Variants in ERICH6B observed in about 807,000 individuals in gnomAD.
The protein encoded by ERICH6B is glutamate rich 6B, also known as glutamate-rich protein 6B.
In ERICH6B, 69 loss-of-function variants were observed where a neutral mutation model predicts 80.0. That is an observed-to-expected ratio of 0.86 (90% CI 0.71 to 1.05). The LOEUF is 1.05. ERICH6B is among the 50% of genes least tolerant of loss of function. The pLI, the probability that ERICH6B is intolerant of heterozygous loss-of-function variation, is 0.00. For missense variants in ERICH6B, 754 were observed against 796.1 expected, an observed-to-expected ratio of 0.95 and a Z score of 0.64; for synonymous variants, 283 against 291.9, an observed-to-expected ratio of 0.97 and a Z score of 0.31.
chr13:45,555,275 G>A (rs951552577), intron 11 of ERICH6B, among the ~76,000 whole-genome samples: 14 of 152,098 alleles, frequency 9.2e-5, no homozygotes, highest in African/African-American at 3.1e-4. Context: ...GGCTTCCAAC[G>A]CCCTTACCAT....
At chr13:45,603,663 C>T (rs924550721) in intron 2 of ERICH6B, among the ~76,000 whole-genome samples, 6 of 152,144 alleles carry the variant, frequency 3.9e-5, no homozygotes, top group African/African-American at 1.4e-4. Flanking sequence ...CCCTCTGTCA[C>T]CCCCTTTCCC....
intron 11 of ERICH6B, 88 bp from the exon 12 acceptor site, chr13:45,550,404 G>T: frequency 1.8e-6 from 2 of 1,114,634 alleles, no homozygotes; most frequent in South Asian, 1.5e-5. Flanking sequence ...GACCCCATCT[G>T]CTTGCTCTCC....
chr13:45,587,348 A>G (rs1875955370), intron 4 of ERICH6B, 116 bp from the exon 5 acceptor site: 3 of 846,926 alleles, frequency 3.5e-6, no homozygotes, highest in Non-Finnish European at 1.8e-6. Flanking sequence ...CAGATGATGG[A>G]CATCTCAAGG....
At chr13:45,587,489 C>T (rs1875962195) in intron 4 of ERICH6B, among the ~76,000 whole-genome samples, 1 of 152,178 alleles carries the variant, frequency 6.6e-6, no homozygotes, top group Non-Finnish European at 1.5e-5. Flanking sequence ...GCCACTGGGC[C>T]AGATGGTCAT....
At chr13:45,553,157 A>G (rs761589853) in intron 11 of ERICH6B, 2 of 292,640 alleles carry the variant, frequency 6.8e-6, no homozygotes, top group Non-Finnish European at 1.4e-5. Flanking sequence ...TATGTTTATT[A>G]GTCACCGTTT....
At chr13:45,544,217 C>T (rs936699906) in intron 14 of ERICH6B, among the ~76,000 whole-genome samples, 31 of 152,208 alleles carry the variant, frequency 2.0e-4, no homozygotes, top group South Asian at 1.2e-3. Context: ...GGATTAAAGG[C>T]GTGAGCCACT....
In ERICH6B at chr13:45,550,308, T is replaced by C. The variant is rs906123841; in HGVS notation, c.1416A>G (p.Gln472=). 6 of 1,551,232 alleles carry C rather than the reference T, an allele frequency of 3.9e-6. No homozygotes were observed. The African/African-American group carries it at 6.8e-5, about 18-fold the overall frequency. ...EWIQKKTVVH[Q]GDGKLILYPN... is the part of the protein sequence containing the mutation. ...GGTAGAGAATTAATTTTCCATCACC[T>C]TGATGCACCTGGGAAGAAAAGACAA... Residue 472 remains glutamine (Q), a synonymous_variant, in exon 12 of 15, where the codon CAA becomes CAG. Transcript: ENST00000298738.
chr13:45,550,923 G>C (rs1030976839), intron 11 of ERICH6B, among the ~76,000 whole-genome samples: 24 of 152,152 alleles, frequency 1.6e-4, no homozygotes, highest in African/African-American at 4.6e-4. Context: ...ACTATTTCCA[G>C]ATAAGGTCAC....
Position 45,563,726 on chromosome 13 carries a change from C to T in ERICH6B, c.1249+1G>A, listed in dbSNP as rs1199271744. Reference sequence around the variant, plus strand: ...GTGGAAAATGGTGGAGTGGTGCCTACCTTCACGTCTCCTCTTAATCCGTAA... The same window carrying T: ...GTGGAAAATGGTGGAGTGGTGCCTATCTTCACGTCTCCTCTTAATCCGTAA... On this transcript the variant is annotated splice_donor_variant, in intron 10 of 14. Coordinates refer to ENST00000298738, the MANE Select transcript of ERICH6B (RefSeq NM_182542.3). LOFTEE classifies it high-confidence loss of function. 3.2e-6 allele frequency: 5 copies of T among 1,552,136 alleles called. No homozygotes were observed. The Admixed American group carries it at 7.8e-5, about 24-fold the overall frequency.
At chr13:45,585,809 G>A (rs3014930) in intron 5 of ERICH6B, among the ~76,000 whole-genome samples, 148,969 of 152,322 alleles carry the variant, frequency 0.98, 72,847 homozygotes, top group East Asian at 0.99. Context: ...TCAATGAAAT[G>A]CAGACATAAT....
At chr13:45,544,440 T>G (rs1313073481) in intron 14 of ERICH6B, among the ~76,000 whole-genome samples, 1 of 152,308 alleles carries the variant, frequency 6.6e-6, no homozygotes, top group Admixed American at 6.5e-5. Flanking sequence ...CAAGCTGCTC[T>G]CAAGTTCCTA....
At chr13:45,550,131 A>G in intron 12 of ERICH6B, 86 bp from the exon 13 acceptor site, 3 of 1,536,042 alleles carry the variant, frequency 2.0e-6, no homozygotes, top group Non-Finnish European at 2.6e-6. Flanking sequence ...GCCTCAGTCA[A>G]ACCCCACACC....
chr13:45,577,776 A>T (rs933908876), intron 7 of ERICH6B, among the ~76,000 whole-genome samples: 1 of 152,114 alleles, frequency 6.6e-6, no homozygotes, highest in African/African-American at 2.4e-5. Flanking sequence ...AATTTTTTGT[A>T]GAGATGAGGT....
intron 5 of ERICH6B, among the ~76,000 whole-genome samples, chr13:45,584,143 C>G (rs1179442839): frequency 6.6e-6 from 1 of 152,226 alleles, no homozygotes; most frequent in Non-Finnish European, 1.5e-5. Context: ...GTGCCAGGCA[C>G]TAAGTATGGA....
chr13:45,544,264 G>A (rs1344553713), intron 14 of ERICH6B, among the ~76,000 whole-genome samples: 5 of 152,132 alleles, frequency 3.3e-5, no homozygotes, highest in Non-Finnish European at 2.9e-5. Flanking sequence ...TAGAAGAGAC[G>A]GGGTTTGACT....
At position 45,609,246 on chromosome 13, in the gene ERICH6B, C is replaced by T. The variant is rs569061797; in HGVS notation, c.-110-1631G>A. ...GCCCTCCTGGGCCGACCCAAGTTGG[C>T]CCCACATCCTCTCCTGCCCTTCTGG... On this transcript the variant is annotated intron_variant, in intron 1 of 14. Transcript: ENST00000298738. Among the ~76,000 whole-genome samples, 7 of 152,316 alleles carry T rather than the reference C, an allele frequency of 4.6e-5. No individual in the cohort carries two copies. The East Asian group carries it at 1.2e-3, about 25-fold the overall frequency.
chr13:45,596,650 T>G lies in ERICH6B; in HGVS notation c.356A>C (p.Glu119Ala), dbSNP rs1876395922. 1 of 1,551,152 alleles carries G rather than the reference T, an allele frequency of 6.4e-7. No homozygotes were observed. The highest frequency in any genetic ancestry group is 8.7e-7 in the Non-Finnish European group (1 of 1,146,264). The change falls in exon 3 of 15, where the codon GAA (glutamate) becomes GCA (alanine). Residue 119 changes from glutamate to alanine, a missense_variant. Glu to Ala is a moderately radical substitution (Grantham distance 107). Coordinates refer to ENST00000298738, the MANE Select transcript of ERICH6B (RefSeq NM_182542.3). ...GTACTCTTCCTCCTCCAGATACCCT[T>G]CCTTCCCCAGATACTCTTCCTCTTC... is the stretch of plus-strand genomic sequence containing the variant. ...YIEEEEYLGK[E>A]GYLEEEEYLG...
At chr13:45,603,431 C>G (rs925267416) in intron 2 of ERICH6B, among the ~76,000 whole-genome samples, 9 of 152,232 alleles carry the variant, frequency 5.9e-5, no homozygotes, top group Admixed American at 3.9e-4. Context: ...CCTCACTTCC[C>G]TGTGATAGCT....
At chr13:45,575,038 C>T (rs888981320) in intron 7 of ERICH6B, 108 bp from the exon 8 acceptor site, 3 of 732,254 alleles carry the variant, frequency 4.1e-6, no homozygotes, top group Admixed American at 2.8e-5. Flanking sequence ...TACCTTTGCC[C>T]TTCCAAAAAA....
Sources: gnomAD v4.1 joint callset for allele counts (sites outside exome capture counted in the v4.1 genomes callset) on GRCh38, gnomAD v4.1.1 for gene constraint, MANE v1.5 for transcripts, NCBI Gene and HGNC (gene_info 2026-07-23, HGNC 2026-07-21) for gene names.